Variants in RAP1GDS1 observed in about 807,000 individuals in gnomAD.
The protein encoded by RAP1GDS1 is RAP1, GTP-GDP dissociation stimulator 1.
In RAP1GDS1, 35 loss-of-function variants were observed where a neutral mutation model predicts 71.1. The ratio of observed to expected loss-of-function variants is 0.49; its 90% confidence interval spans 0.38 to 0.65. The LOEUF (loss-of-function observed/expected upper bound fraction) is 0.65, where lower values mean the gene tolerates loss of function less well. Among genes scored for constraint, RAP1GDS1 ranks in the 30% least tolerant of loss-of-function variants. The pLI, the probability that RAP1GDS1 is intolerant of heterozygous loss-of-function variation, is 0.00. For synonymous variants in RAP1GDS1, 229 were observed against 243.1 expected (o/e 0.94, Z 0.54); for missense variants, 663 against 706.1 (o/e 0.94, Z 0.69).
At chr4:98,307,143 A>G (rs141135133) in intron 2 of RAP1GDS1, among the ~76,000 whole-genome samples, 388 of 151,852 alleles carry the variant, frequency 2.6e-3, no homozygotes, top group Non-Finnish European at 3.8e-3. Flanking sequence ...TTTTTTAGAT[A>G]ATCAATTTTC....
At chr4:98,302,315 G>A (rs890793723) in intron 2 of RAP1GDS1, among the ~76,000 whole-genome samples, 1 of 152,132 alleles carries the variant, frequency 6.6e-6, no homozygotes, top group Non-Finnish European at 1.5e-5. Flanking sequence ...GAGTTGACCA[G>A]AAGAAATTGA....
At chr4:98,384,958 G>A (rs974103289) in intron 5 of RAP1GDS1, among the ~76,000 whole-genome samples, 17 of 151,610 alleles carry the variant, frequency 1.1e-4, no homozygotes, top group African/African-American at 4.1e-4. Flanking sequence ...GGCAGTGAAA[G>A]GGCAAAATAT....
intron 2 of RAP1GDS1, among the ~76,000 whole-genome samples, chr4:98,297,245 A>G (rs1727915193): frequency 6.6e-6 from 1 of 152,102 alleles, no homozygotes; most frequent in South Asian, 2.1e-4. Flanking sequence ...GCCCTAAGGT[A>G]ATTTGCTAGC....
chr4:98,332,228 T>C (rs1734116752), intron 2 of RAP1GDS1, among the ~76,000 whole-genome samples: 1 of 152,164 alleles, frequency 6.6e-6, no homozygotes, highest in South Asian at 2.1e-4. Context: ...CACCTTATTA[T>C]AGAGGAATGT....
intron 9 of RAP1GDS1, 127 bp from the exon 10 acceptor site, chr4:98,418,530 A>G (rs1748334450): frequency 1.1e-6 from 1 of 884,984 alleles, no homozygotes; most frequent in South Asian, 4.5e-5. Flanking sequence ...GATGGGAGAA[A>G]GATTTGGAAT....
intron 12 of RAP1GDS1, among the ~76,000 whole-genome samples, chr4:98,426,739 CA>C (rs1009188932): frequency 6.6e-6 from 1 of 151,516 alleles, no homozygotes. Context: ...AAATTACCAA[CA>C]AAAAAAAGTC....
At chr4:98,323,969 G>A (rs1410274369) in intron 2 of RAP1GDS1, among the ~76,000 whole-genome samples, 1 of 146,838 alleles carries the variant, frequency 6.8e-6, no homozygotes, top group African/African-American at 2.5e-5. Context: ...ATTAGGAAAA[G>A]AGGAAGTCAA....
At chr4:98,365,422 C>G (rs896325021) in intron 4 of RAP1GDS1, among the ~76,000 whole-genome samples, 5 of 151,564 alleles carry the variant, frequency 3.3e-5, no homozygotes, top group Admixed American at 2.6e-4. Flanking sequence ...TGAAACCAGC[C>G]TGGGCAACAT....
chr4:98,414,409 G>T (rs1395310146), intron 7 of RAP1GDS1, among the ~76,000 whole-genome samples: 1 of 132,372 alleles, frequency 7.6e-6, no homozygotes, highest in Non-Finnish European at 1.5e-5. Context: ...GTAAGGAAGG[G>T]ATCCAGTTTC....
chr4:98,424,628 G>A (rs1335012272), intron 12 of RAP1GDS1, among the ~76,000 whole-genome samples: 1 of 152,104 alleles, frequency 6.6e-6, no homozygotes, highest in Admixed American at 6.5e-5. Flanking sequence ...AGGCATGGTG[G>A]CGTGCGCCTG....
At chr4:98,261,776 G>C (rs1446775797) in intron 1 of RAP1GDS1, 1 of 543,112 alleles carries the variant, frequency 1.8e-6, no homozygotes, top group Non-Finnish European at 2.8e-6. Flanking sequence ...GGCTGGGGTG[G>C]GGTCGGCCGC....
chr4:98,308,293 C>CT (rs1729660951), intron 2 of RAP1GDS1, among the ~76,000 whole-genome samples: 1 of 81,916 alleles, frequency 1.2e-5, no homozygotes, highest in Non-Finnish European at 2.2e-5. Context: ...TATACACACA[C>CT]ACACTATATA....
chr4:98,406,996 A>AT (rs1746219041), intron 7 of RAP1GDS1, among the ~76,000 whole-genome samples: 1 of 152,194 alleles, frequency 6.6e-6, no homozygotes, highest in South Asian at 2.1e-4. Context: ...TCAGAGGGAA[A>AT]TTTTTTGCTC....
intron 2 of RAP1GDS1, among the ~76,000 whole-genome samples, chr4:98,307,215 A>C (rs956829385): frequency 3.3e-5 from 5 of 151,888 alleles, no homozygotes; most frequent in Admixed American, 3.3e-4. Context: ...ATAACCATTT[A>C]GTTTAATATA....
At position 98,352,728 on chromosome 4, in the gene RAP1GDS1, C is replaced by T. The variant is rs1737397236; in HGVS notation, c.361+127C>T. On this transcript the variant is annotated intron_variant, in intron 4 of 14. Coordinates refer to ENST00000408927, the MANE Select transcript of RAP1GDS1 (RefSeq NM_001100427.2). ...TAACATGGGCCGGCATGATTCAGCA[C>T]TGCTTATTTAGCAGAATTTATGGAG... is the stretch of plus-strand genomic sequence containing the variant. 5.8e-6 allele frequency: 5 copies of T among 862,762 alleles called. No individual in the cohort carries two copies. The South Asian group carries it at 1.4e-4, about 25-fold the overall frequency. The allele number at this position is 862,762 out of a possible 1,614,324, so 53.4% of individuals were successfully genotyped here.
intron 2 of RAP1GDS1, among the ~76,000 whole-genome samples, chr4:98,300,385 G>A (rs1443572846): frequency 6.6e-6 from 1 of 151,792 alleles, no homozygotes; most frequent in South Asian, 2.1e-4. Context: ...GTAGACTACA[G>A]TATAGTGTAG....
intron 6 of RAP1GDS1, among the ~76,000 whole-genome samples, chr4:98,399,808 AAG>A (rs1745106897): frequency 6.6e-6 from 1 of 152,096 alleles, no homozygotes; most frequent in Non-Finnish European, 1.5e-5. Context: ...GTGGAGAAAA[AAG>A]AACTCACACT....
At chr4:98,441,123 C>A (rs1178419452) in intron 14 of RAP1GDS1, among the ~76,000 whole-genome samples, 1 of 152,150 alleles carries the variant, frequency 6.6e-6, no homozygotes, top group African/African-American at 2.4e-5. Context: ...TTTAGGGTCC[C>A]TTGAGATTCC....
At chr4:98,350,787 G>A (rs918699502) in intron 3 of RAP1GDS1, among the ~76,000 whole-genome samples, 1 of 152,088 alleles carries the variant, frequency 6.6e-6, no homozygotes, top group Non-Finnish European at 1.5e-5. Flanking sequence ...GCAGTGAGCC[G>A]AGACTGTGCC....
Sources: allele counts gnomAD v4.1 joint callset (sites outside exome capture counted in the v4.1 genomes callset), GRCh38; gene constraint gnomAD v4.1.1; transcripts MANE v1.5; gene names NCBI Gene and HGNC (gene_info 2026-07-23, HGNC 2026-07-21).